IWS1: variants seen among roughly 807,000 people sequenced by gnomAD.
IWS1 encodes protein IWS1 homolog.
Under a neutral mutation model 86.7 loss-of-function variants are expected in IWS1, and 27 were observed. The observed-to-expected ratio is 0.31, with a 90% CI of 0.23 to 0.43. The LOEUF (loss-of-function observed/expected upper bound fraction) is 0.43. IWS1 is among the 20% of genes least tolerant of loss of function. The probability of loss-of-function intolerance (pLI) is 1.00; values close to 1 mark genes in which losing one functional copy is unlikely to be tolerated. For synonymous variants in IWS1, 313 were observed against 335.1 expected (o/e 0.93, Z 0.72); for missense variants, 827 against 1,000.8 (o/e 0.83, Z 2.34).
At chr2:127,500,318 G>A (rs1437531345) in intron 5 of IWS1, among the ~76,000 whole-genome samples, 2 of 152,120 alleles carry the variant, frequency 1.3e-5, no homozygotes, top group African/African-American at 2.4e-5. Context: ...TTTTCGATCT[G>A]CTTCTTCTGT....
intron 2 of IWS1, among the ~76,000 whole-genome samples, chr2:127,507,429 CTAAA>C (rs1691204449): frequency 6.6e-6 from 1 of 152,114 alleles, no homozygotes; most frequent in African/African-American, 2.4e-5. Context: ...TTCAAAATTC[CTAAA>C]TACATTTTTC....
In IWS1 at chr2:127,489,715, T is replaced by C. The variant is rs1464864720; in HGVS notation, c.2159+117A>G. 6.9e-6 allele frequency: 5 copies of C among 724,224 alleles called. No homozygotes were observed. Among genetic ancestry groups the C allele is most frequent in the Admixed American group, 2.0e-5 (1 of 50,598 alleles). The allele number at this position is 724,224 out of a possible 1,614,324, so 44.9% of individuals were successfully genotyped here. On this transcript the variant is annotated intron_variant, in intron 11 of 13. Transcript: ENST00000295321. The surrounding 1 kb of genome is among the most constrained non-coding windows in gnomAD (Gnocchi z 4.8). ...GGATATTATGAATTATGTACACATA[T>C]CAAGCTGAGAGGAAAGGAAATCCTA...
chr2:127,489,579 C>T lies in IWS1; in HGVS notation c.2159+253G>A. Reference sequence around the variant, plus strand: ...AAGTTGTTTTCTCAAGTGGATGGAACAACACAAGCAATCAGTATCCTGAAA... The same window carrying T: ...AAGTTGTTTTCTCAAGTGGATGGAATAACACAAGCAATCAGTATCCTGAAA... On this transcript the variant is annotated intron_variant, in intron 11 of 13. Coordinates refer to ENST00000295321, the MANE Select transcript of IWS1 (RefSeq NM_017969.3). This position sits in a 1 kb window ranked among gnomAD's most constrained non-coding sequence, Gnocchi z 4.8. The T allele has an allele frequency of 1.9e-6, 1 of 534,004 alleles. No homozygotes were observed. 33.1% of individuals were successfully genotyped at this position (534,004 alleles called of 1,614,324 possible). A position where few individuals can be genotyped will look rare whatever the true frequency, so the allele number is the denominator to read the frequency against.
intron 1 of IWS1, 48 bp downstream of exon 1, chr2:127,526,127 G>A (rs1286248033): frequency 5.1e-6 from 8 of 1,553,742 alleles, no homozygotes; most frequent in Middle Eastern, 3.4e-4. Flanking sequence ...AAGCCCCGCC[G>A]AGTAACTGCT....
chr2:127,484,241 GGCAGAGCTTGCAGTGA>G (rs1338599654), intron 13 of IWS1, among the ~76,000 whole-genome samples: 1 of 152,186 alleles, frequency 6.6e-6, no homozygotes, highest in East Asian at 1.9e-4. Context: ...GAACCCGGGA[GGCAGAGCTTGCAGTGA>G]GCAGAGATTG....
intron 7 of IWS1, 21 bp downstream of exon 7, chr2:127,495,977 C>T (rs773315995): frequency 1.9e-6 from 3 of 1,589,808 alleles, no homozygotes; most frequent in Middle Eastern, 1.7e-4. Flanking sequence ...AAAAGGTGAA[C>T]CTAGAAGCGA....
chr2:127,483,593 G>GGGGGGGGGT (rs1689763032), intron 13 of IWS1, among the ~76,000 whole-genome samples: 1 of 35,756 alleles, frequency 2.8e-5, no homozygotes, highest in Non-Finnish European at 6.4e-5. Context: ...TGGTGGGGTG[G>GGGGGGGGGT]GGGGGTTGGG....
chr2:127,493,164 T>C (rs1690321408), intron 9 of IWS1, 117 bp downstream of exon 9: 1 of 945,552 alleles, frequency 1.1e-6, no homozygotes, highest in African/African-American at 1.7e-5. Context: ...TTCCAACCCC[T>C]CTTCTGGCAG....
upstream of IWS1, chr2:127,526,845 G>A (rs897702674): frequency 4.2e-5 from 18 of 423,984 alleles, no homozygotes; most frequent in Non-Finnish European, 4.3e-5. Flanking sequence ...CCCGCCCGCA[G>A]TAGGCAAGAA....
intron 5 of IWS1, among the ~76,000 whole-genome samples, chr2:127,502,096 C>T (rs1690853720): frequency 6.6e-6 from 1 of 152,160 alleles, no homozygotes; most frequent in South Asian, 2.1e-4. Flanking sequence ...ATATGAAAAA[C>T]TTAAACCACT....
chr2:127,511,798 C>G (rs1030843242), intron 2 of IWS1, among the ~76,000 whole-genome samples: 1 of 152,114 alleles, frequency 6.6e-6, no homozygotes, highest in African/African-American at 2.4e-5. Context: ...AGACTGAAAA[C>G]TAAAACAGGA....
chr2:127,511,092 C>G (rs1197633810), intron 2 of IWS1: 1 of 152,186 alleles, frequency 6.6e-6, no homozygotes, highest in Non-Finnish European at 1.5e-5. Context: ...GAATATCTTT[C>G]TTCTACCTTG....
Position 127,494,937 on chromosome 2 carries a change from G to GAACA in IWS1, c.1733_1734insTGTT (p.Asn579ValfsTer22). 1 of 1,595,746 alleles carries GAACA rather than the reference G, an allele frequency of 6.3e-7. No individual in the cohort carries two copies. Among genetic ancestry groups the GAACA allele is most frequent in the Non-Finnish European group, 8.5e-7 (1 of 1,169,770 alleles). On this transcript the variant is annotated frameshift_variant, in exon 8 of 14. Transcript: ENST00000295321. LOFTEE classifies it high-confidence loss of function. ...TTTTCAGTGCTGGCTTTTTTTGATTGTTCAACTGTCTGTCTTCCTATTCAG... is the reference window on the plus strand; with the variant it reads ...TTTTCAGTGCTGGCTTTTTTTGATTGAACATTCAACTGTCTGTCTTCCTATTCAG...
chr2:127,506,835 T>C (rs1369873045), intron 2 of IWS1: 1 of 163,418 alleles, frequency 6.1e-6, no homozygotes, highest in African/African-American at 2.4e-5. Flanking sequence ...AAACTTGATA[T>C]GTGCATATTA....
chr2:127,517,877 T>C (rs985660271), intron 2 of IWS1, among the ~76,000 whole-genome samples: 3 of 152,226 alleles, frequency 2.0e-5, no homozygotes, highest in East Asian at 1.9e-4. Flanking sequence ...TGGAATATTA[T>C]TTACCACAAA....
chr2:127,522,638 T>C (rs745533620), intron 2 of IWS1, among the ~76,000 whole-genome samples: 6 of 152,186 alleles, frequency 3.9e-5, no homozygotes, highest in Non-Finnish European at 8.8e-5. Context: ...CTACTAAAAA[T>C]TGGACAATTT....
chr2:127,495,332 A>G (rs1382811846), intron 7 of IWS1, among the ~76,000 whole-genome samples: 1 of 152,258 alleles, frequency 6.6e-6, no homozygotes, highest in Non-Finnish European at 1.5e-5. Flanking sequence ...ATACTATATC[A>G]AAGAAGAGTT....
chr2:127,518,379 AC>A (rs1281235987), intron 2 of IWS1, among the ~76,000 whole-genome samples: 1 of 152,062 alleles, frequency 6.6e-6, no homozygotes, highest in Non-Finnish European at 1.5e-5. Flanking sequence ...AGCTGGGCAT[AC>A]TGGCGCATGC....
In IWS1 at chr2:127,505,124, G is replaced by C. The variant is rs1196397845; in HGVS notation, c.779C>G (p.Ala260Gly). The C allele has an allele frequency of 6.2e-7, 1 of 1,610,812 alleles. No individual in the cohort carries two copies. Among genetic ancestry groups the C allele is most frequent in the Non-Finnish European group, 8.5e-7 (1 of 1,178,156 alleles). Reference sequence around the variant, plus strand: ...AAGCTCTTCATTTTCTGAGTCACTGGCCTGGTGCCTCGGAGGGTCCTCACT... The same window carrying C: ...AAGCTCTTCATTTTCTGAGTCACTGCCCTGGTGCCTCGGAGGGTCCTCACT... The part of the protein sequence containing the change: ...SESEDPPRHQ[A>G]SDSENEELPK... Residue 260 changes from alanine to glycine, a missense_variant, in exon 3 of 14, where the codon GCC becomes GGC. Physicochemically the swap from Ala to Gly is moderately conservative, Grantham distance 60. Coordinates refer to ENST00000295321, the MANE Select transcript of IWS1 (RefSeq NM_017969.3). This position sits in a 1 kb window ranked among gnomAD's most constrained non-coding sequence, Gnocchi z 5.0.
Sources: gnomAD v4.1 joint callset for allele counts (sites outside exome capture counted in the v4.1 genomes callset) on GRCh38, gnomAD v4.1.1 for gene constraint, Gnocchi (gnomAD v3.1) non-coding constraint, MANE v1.5 for transcripts, NCBI Gene and HGNC (gene_info 2026-07-23, HGNC 2026-07-21) for gene names.